CADM2: variants seen among roughly 807,000 people sequenced by gnomAD.
CADM2 encodes the protein cell adhesion molecule 2.
A neutral mutation model predicts 49.8 loss-of-function variants in CADM2; 12 were observed. The observed-to-expected ratio is 0.24, with a 90% CI of 0.15 to 0.39. The LOEUF is 0.39. Ranked by LOEUF, CADM2 falls within the 10% of genes least tolerant of loss-of-function variation. The pLI is 1.00. For synonymous variants in CADM2, 214 were observed against 175.4 expected (o/e 1.22, Z -1.74); for missense variants, 378 against 492.3 (o/e 0.77, Z 2.20).
intron 1 of CADM2, among the ~76,000 whole-genome samples, chr3:85,328,786 A>G (rs2044826908): frequency 6.6e-6 from 1 of 152,088 alleles, no homozygotes; most frequent in African/African-American, 2.4e-5. Flanking sequence ...ACTTGTGTGG[A>G]TACATAGACA....
chr3:85,391,845 G>A (rs554028184), intron 1 of CADM2, among the ~76,000 whole-genome samples: 43 of 152,020 alleles, frequency 2.8e-4, no homozygotes, highest in African/African-American at 7.5e-4. Flanking sequence ...GAATCAACAC[G>A]GATATTCAAA....
intron 1 of CADM2, among the ~76,000 whole-genome samples, chr3:85,091,896 T>C (rs2037610756): frequency 6.6e-6 from 1 of 152,126 alleles, no homozygotes; most frequent in African/African-American, 2.4e-5. Flanking sequence ...CATTTAAACA[T>C]CAAATTCCAA....
At chr3:85,268,498 A>G (rs1049948205) in intron 1 of CADM2, among the ~76,000 whole-genome samples, 7 of 151,442 alleles carry the variant, frequency 4.6e-5, no homozygotes, top group African/African-American at 1.5e-4. Flanking sequence ...ACAAATTAGT[A>G]TTTGACAGTT....
At chr3:85,788,563 A>G (rs549309066) in intron 2 of CADM2, among the ~76,000 whole-genome samples, 2 of 152,244 alleles carry the variant, frequency 1.3e-5, no homozygotes, top group South Asian at 2.1e-4. Flanking sequence ...TTATGCTTCC[A>G]GAGTATGCAT....
intron 1 of CADM2, among the ~76,000 whole-genome samples, chr3:85,028,834 C>G (rs562882120): frequency 3.3e-5 from 5 of 151,892 alleles, no homozygotes; most frequent in Admixed American, 6.6e-5. Context: ...ACAGGACTGT[C>G]ATTCATTTGA....
chr3:85,671,564 T>C (rs2065736129), intron 1 of CADM2, among the ~76,000 whole-genome samples: 1 of 152,194 alleles, frequency 6.6e-6, no homozygotes, highest in African/African-American at 2.4e-5. Flanking sequence ...CTCTTTCCAA[T>C]TCATCGCAGT....
intron 7 of CADM2, among the ~76,000 whole-genome samples, chr3:85,947,859 A>G (rs1270979571): frequency 2.6e-5 from 4 of 151,580 alleles, no homozygotes; most frequent in Non-Finnish European, 5.9e-5. Flanking sequence ...AGCTTGCAGA[A>G]TCACGATTAT....
At chr3:85,492,835 GGT>G (rs2039733032) in intron 1 of CADM2, among the ~76,000 whole-genome samples, 1 of 152,052 alleles carries the variant, frequency 6.6e-6, no homozygotes, top group East Asian at 1.9e-4. Context: ...AAACAATAAA[GGT>G]GTCATCTGAG....
rs75301349 is a variant in CADM2, at chr3:85,114,443, T to C, written c.61+154775T>C. On this transcript the variant is annotated intron_variant, in intron 1 of 9. Transcript: ENST00000383699. ...GGCCTACCCAGGTCATTAGAAAAATTAGGTTTTGGTTGTATACTGTCTTCA... is the reference window on the plus strand; with the variant it reads ...GGCCTACCCAGGTCATTAGAAAAATCAGGTTTTGGTTGTATACTGTCTTCA... Among the ~76,000 whole-genome samples, 315 of 152,252 alleles carry C rather than the reference T, an allele frequency of 2.1e-3. 1 individual carries two copies. Among genetic ancestry groups the C allele is most frequent in the Non-Finnish European group, 3.9e-3 (263 of 67,996 alleles).
chr3:85,511,104 C>A (rs1186492379), intron 1 of CADM2, among the ~76,000 whole-genome samples: 3 of 152,032 alleles, frequency 2.0e-5, no homozygotes, highest in Non-Finnish European at 4.4e-5. Context: ...CCTCACACTT[C>A]AGTTGATGTA....
intron 1 of CADM2, among the ~76,000 whole-genome samples, chr3:85,088,837 C>T (rs1183779638): frequency 6.6e-6 from 1 of 151,996 alleles, no homozygotes; most frequent in Non-Finnish European, 1.5e-5. Context: ...ATAATTATCT[C>T]CATTGATAAT....
At chr3:85,590,095 T>C (rs2063062296) in intron 1 of CADM2, among the ~76,000 whole-genome samples, 2 of 152,012 alleles carry the variant, frequency 1.3e-5, no homozygotes, top group Non-Finnish European at 2.9e-5. Flanking sequence ...AGCCATCAGC[T>C]TGCTGGTCAT....
intron 8 of CADM2, among the ~76,000 whole-genome samples, chr3:86,002,304 A>T (rs1465865862): frequency 1.3e-5 from 2 of 152,186 alleles, no homozygotes; most frequent in Non-Finnish European, 2.9e-5. Context: ...TCTTTGTTAC[A>T]GTTCTGAATT....
At chr3:85,043,063 A>G (rs1376719718) in intron 1 of CADM2, among the ~76,000 whole-genome samples, 1 of 152,138 alleles carries the variant, frequency 6.6e-6, no homozygotes, top group African/African-American at 2.4e-5. Context: ...TAAATCATGG[A>G]GAAGCCCCTG....
At chr3:85,561,080 A>C (rs1187124145) in intron 1 of CADM2, among the ~76,000 whole-genome samples, 3 of 152,208 alleles carry the variant, frequency 2.0e-5, no homozygotes, top group Non-Finnish European at 2.9e-5. Flanking sequence ...AAAAGAATAA[A>C]AATGTTTGAC....
intron 3 of CADM2, among the ~76,000 whole-genome samples, chr3:85,822,801 C>T (rs954006245): frequency 2.0e-5 from 3 of 152,072 alleles, no homozygotes; most frequent in African/African-American, 7.2e-5. Context: ...TCAAAATGTT[C>T]TATCAGTGTT....
At chr3:85,178,451 T>C in intron 1 of CADM2, among the ~76,000 whole-genome samples, 1 of 151,868 alleles carries the variant, frequency 6.6e-6, no homozygotes, top group Middle Eastern at 3.2e-3. Flanking sequence ...TTTGGAAACA[T>C]TTAAAGCCTA....
intron 6 of CADM2, 87 bp from the exon 7 acceptor site, chr3:85,935,680 T>C (rs36080783): frequency 0.37 from 209,215 of 571,294 alleles, 40,970 homozygotes; most frequent in East Asian, 0.44. Context: ...ATATAAGAAA[T>C]GCTGAACACA....
chr3:85,688,899 A>G (rs559158036), intron 1 of CADM2, among the ~76,000 whole-genome samples: 5 of 152,186 alleles, frequency 3.3e-5, no homozygotes, highest in African/African-American at 9.6e-5. Flanking sequence ...AATAAGCACA[A>G]TCCTACCACA....
Sources: gnomAD v4.1 joint callset for allele counts (sites outside exome capture counted in the v4.1 genomes callset) on GRCh38, gnomAD v4.1.1 for gene constraint, MANE v1.5 for transcripts, NCBI Gene and HGNC (gene_info 2026-07-23, HGNC 2026-07-21) for gene names.